CEP192: variants seen among roughly 807,000 people sequenced by gnomAD.
CEP192 encodes centrosomal protein 192, also known as centrosomal protein of 192 kDa.
In CEP192, 151 loss-of-function variants were observed where a neutral mutation model predicts 271.8. The ratio of observed to expected loss-of-function variants is 0.56; its 90% CI spans 0.49 to 0.64. CEP192 has a LOEUF of 0.64. Among genes scored for constraint, CEP192 ranks in the 30% least tolerant of loss-of-function variants. The pLI is 0.00. For synonymous variants in CEP192, 995 were observed against 1,076.5 expected, an observed-to-expected ratio of 0.92 and a Z score of 1.48; for missense variants, 2,910 against 3,020.5, an observed-to-expected ratio of 0.96 and a Z score of 0.86.
intron 42 of CEP192, among the ~76,000 whole-genome samples, chr18:13,114,670 T>A (rs2040353011): frequency 1.3e-5 from 2 of 152,196 alleles, no homozygotes; most frequent in Non-Finnish European, 2.9e-5. Flanking sequence ...TTTGGAATGA[T>A]TATTAATTAA....
In CEP192 at chr18:13,037,368, T is replaced by G. The variant is rs2035973239; in HGVS notation, c.1599+67T>G. On this transcript the variant is annotated intron_variant, in intron 12 of 44. Coordinates refer to ENST00000506447, the MANE Select transcript of CEP192 (RefSeq NM_032142.4). ...TGTATTAGTGTAAGTGTAGGCACAG[T>G]GTTCATTTCTTTCTGAATATATGGT... 4.5e-6 allele frequency: 3 copies of G among 662,502 alleles called. No individual in the cohort carries two copies. In the South Asian group the frequency reaches 5.3e-5, roughly 12 times the overall value. 41.0% of individuals were successfully genotyped at this position (662,502 alleles called of 1,614,324 possible). A position where few individuals can be genotyped will look rare whatever the true frequency, so the allele number is the denominator to read the frequency against.
intron 9 of CEP192, among the ~76,000 whole-genome samples, chr18:13,027,031 G>A (rs369551118): frequency 1.4e-4 from 22 of 152,204 alleles, no homozygotes; most frequent in Admixed American, 1.0e-3. Context: ...AAGGTGTTGG[G>A]GAGGGAAAGC....
At chr18:13,098,665 G>A (rs933874177) in intron 36 of CEP192, among the ~76,000 whole-genome samples, 2 of 151,180 alleles carry the variant, frequency 1.3e-5, no homozygotes, top group Non-Finnish European at 2.9e-5. Context: ...ATGGAATGGC[G>A]GCCAGGCAGA....
At position 13,015,344 on chromosome 18, in the gene CEP192, C is replaced by A; in HGVS notation, c.536C>A (p.Ala179Asp). ...TTCTTATAGATTGTTGTGCTTGATG[C>A]TGGAAAACATTTTGAAGACAAGACT... ...NKEPKIVVLD[A>D]GKHFEDKTLK... Residue 179 changes from alanine to aspartate, a missense_variant, in exon 6 of 45, where the codon GCT becomes GAT. Ala to Asp is a moderately radical substitution (Grantham distance 126). Coordinates refer to ENST00000506447, the MANE Select transcript of CEP192 (RefSeq NM_032142.4). 6.5e-7 allele frequency: 1 copy of A among 1,550,352 alleles called. No homozygotes were observed. Among genetic ancestry groups the A allele is most frequent in the Non-Finnish European group, 8.7e-7 (1 of 1,146,586 alleles).
In CEP192 at chr18:13,072,774, A is replaced by G; in HGVS notation, c.5368A>G (p.Arg1790Gly). ...TTTTAGGCTTCAGAAACTAGCTTTAAGAAATAATTCTGCATCTACAACTCA... is the reference window on the plus strand; with the variant it reads ...TTTTAGGCTTCAGAAACTAGCTTTAGGAAATAATTCTGCATCTACAACTCA... ...GRTQLQKLAL[R>G]NNSASTTQHL... Residue 1790 changes from arginine (R) to glycine (G), a missense_variant, in exon 29 of 45, where the codon AGA becomes GGA. By Grantham distance (125) the Arg-to-Gly change is moderately radical (BLOSUM62 -2). Transcript: ENST00000506447. 6.2e-7 allele frequency: 1 copy of G among 1,609,192 alleles called. No individual in the cohort carries two copies. The highest frequency in any genetic ancestry group is 8.5e-7 in the Non-Finnish European group (1 of 1,175,488).
chr18:13,081,035 T>C (rs879391466), intron 30 of CEP192, among the ~76,000 whole-genome samples: 66 of 152,182 alleles, frequency 4.3e-4, no homozygotes, highest in Non-Finnish European at 7.6e-4. Context: ...CTGGATTTGG[T>C]TTGCCAGTAT....
At chr18:13,087,337 T>C (rs986627772) in intron 31 of CEP192, 60 bp downstream of exon 31, 2 of 1,426,224 alleles carry the variant, frequency 1.4e-6, no homozygotes, top group Non-Finnish European at 1.9e-6. Context: ...TTAATAATTA[T>C]GTATTTTAAA....
intron 1 of CEP192, among the ~76,000 whole-genome samples, chr18:12,991,832 G>A (rs2032874460): frequency 6.6e-6 from 1 of 152,186 alleles, no homozygotes; most frequent in East Asian, 1.9e-4. Flanking sequence ...AGTGACCGGT[G>A]ATGTTTCCTT....
rs375537532 is a variant in CEP192 at position 13,057,599 on chromosome 18, C to T, written c.4123C>T (p.Pro1375Ser). 113 of 1,613,966 alleles carry T rather than the reference C, an allele frequency of 7.0e-5. 5 individuals are homozygous for T. The South Asian group carries it at 1.0e-3, about 15-fold the overall frequency. The change falls in exon 20 of 45, where the codon CCC (proline) becomes TCC (serine). Residue 1375 changes from proline to serine, a missense_variant. Physicochemically the swap from Pro to Ser is moderately conservative, Grantham distance 74 (BLOSUM62 -1). Coordinates refer to ENST00000506447, the MANE Select transcript of CEP192 (RefSeq NM_032142.4). ...VTSGLGSVRV[P>S]EELKLPHACC... Reference sequence around the variant, plus strand: ...TTCTCACCCAGGGAGTGTCCGAGTGCCCGAGGAGTTGAAGCTTCCTCATGC... The same window carrying T: ...TTCTCACCCAGGGAGTGTCCGAGTGTCCGAGGAGTTGAAGCTTCCTCATGC...
At chr18:13,096,972 T>A (rs2039432237) in intron 36 of CEP192, among the ~76,000 whole-genome samples, 1 of 152,210 alleles carries the variant, frequency 6.6e-6, no homozygotes, top group Admixed American at 6.5e-5. Flanking sequence ...TGCACGTTCC[T>A]TTATATCTGG....
At chr18:13,082,432 C>CTTTTTTTTTTTTTTTTTTTTTTT (rs57663388) in intron 30 of CEP192, among the ~76,000 whole-genome samples, 2 of 49,920 alleles carry the variant, frequency 4.0e-5, no homozygotes, top group African/African-American at 9.7e-5. Context: ...GCAACCCCTG[C>CTTTTTTTTTTTTTTTTTTTTTTT]TTTTTTTTTT....
rs745700774 is a variant in CEP192, at chr18:13,071,225, G to A, written c.5348+13G>A. The stretch of plus-strand genomic sequence containing the variant: ...TAGGTAGAACACAGTAAGTGTCAAA[G>A]ACTGACAAATCGTCCACTATTTATA... On this transcript the variant is annotated intron_variant, in intron 28 of 44. Transcript: ENST00000506447. The A allele has an allele frequency of 1.6e-5, 25 of 1,604,898 alleles. No homozygotes were observed. The highest frequency in any genetic ancestry group is 2.2e-5 in the East Asian group (1 of 44,780).
intron 4 of CEP192, among the ~76,000 whole-genome samples, chr18:13,012,601 G>A (rs1188295621): frequency 1.3e-5 from 2 of 152,128 alleles, no homozygotes; most frequent in South Asian, 2.1e-4. Flanking sequence ...GTTGCGTCTC[G>A]TGTGTCAGTG....
chr18:13,068,811 ACT>A, intron 24 of CEP192, 39 bp from the exon 25 acceptor site: 3 of 1,611,968 alleles, frequency 1.9e-6, no homozygotes, highest in Non-Finnish European at 2.5e-6. Context: ...GAATTAAATA[ACT>A]CTCTGGTCTC....
chr18:13,073,311 A>T, intron 30 of CEP192, 126 bp downstream of exon 30: 1 of 855,980 alleles, frequency 1.2e-6, no homozygotes, highest in Non-Finnish European at 1.8e-6. Flanking sequence ...TAGACTTACA[A>T]ACAAGTTAGG....
intron 44 of CEP192, among the ~76,000 whole-genome samples, chr18:13,118,193 CTG>C (rs1199411485): frequency 6.6e-6 from 1 of 152,152 alleles, no homozygotes; most frequent in Non-Finnish European, 1.5e-5. Context: ...TGGGTTGTCA[CTG>C]TTATTTAGAA....
At chr18:13,104,619 T>A (rs1348204518) in intron 39 of CEP192, among the ~76,000 whole-genome samples, 2 of 148,614 alleles carry the variant, frequency 1.3e-5, no homozygotes, top group Non-Finnish European at 3.0e-5. Flanking sequence ...CTTAAAAAAA[T>A]AAATAGATAA....
intron 18 of CEP192, 47 bp from the exon 19 acceptor site, chr18:13,055,733 A>G (rs1568345604): frequency 1.6e-6 from 2 of 1,259,268 alleles, no homozygotes; most frequent in South Asian, 1.5e-5. Flanking sequence ...AATTTGTTAT[A>G]TTAAGTTTAT....
At chr18:13,008,708 T>G (rs982767393) in intron 4 of CEP192, 77 bp downstream of exon 4, 1 of 1,270,440 alleles carries the variant, frequency 7.9e-7, no homozygotes, top group Non-Finnish European at 1.1e-6. Flanking sequence ...TTGGATTTTT[T>G]TTTTTTTTTT....
Sources: gnomAD v4.1 joint callset for allele counts (sites outside exome capture counted in the v4.1 genomes callset) on GRCh38, gnomAD v4.1.1 for gene constraint, MANE v1.5 for transcripts, NCBI Gene and HGNC (gene_info 2026-07-23, HGNC 2026-07-21) for gene names.